Variants in AADACL4 observed in about 807,000 individuals in gnomAD.
AADACL4 encodes arylacetamide deacetylase like 4, also known as arylacetamide deacetylase-like 4.
AADACL4 carries 9 observed loss-of-function variants against 14.1 expected under a neutral mutation model. The observed-to-expected ratio is 0.64, with a 90% CI of 0.39 to 1.12. AADACL4 has a LOEUF of 1.12. Ranked by LOEUF, AADACL4 falls within the 50% of genes most tolerant of loss-of-function variation. AADACL4 has a pLI of 0.01. For synonymous variants in AADACL4, 188 were observed against 201.6 expected (o/e 0.93, Z 0.57); for missense variants, 531 against 516.1 (o/e 1.03, Z -0.28).
chr1:12,654,996 G>C (rs1381965397), intron 2 of AADACL4, among the ~76,000 whole-genome samples: 1 of 152,148 alleles, frequency 6.6e-6, no homozygotes, highest in African/African-American at 2.4e-5. Flanking sequence ...CTTGGTGTCT[G>C]TAAACGGCTC....
rs757254189 is a variant in AADACL4, at chr1:12,651,369, G to C, written c.385+30G>C. On this transcript the variant is annotated intron_variant, in intron 2 of 3. Transcript: ENST00000376221. ...GGGGCTTCCCTGTGGCTTTGTAGAG[G>C]AAGGGCCTCATCTGCATGCATAGCC... The C allele has an allele frequency of 3.4e-5, 55 of 1,609,416 alleles. No individual in the cohort carries two copies. The South Asian group carries it at 5.6e-4, about 16-fold the overall frequency.
chr1:12,644,529 C>G lies in AADACL4; in HGVS notation c.-18C>G. On this transcript the variant is annotated 5_prime_UTR_variant, in exon 1 of 4. Transcript: ENST00000376221. Reference sequence around the variant, plus strand: ...AGACAAGCTCCTCAGGGCAGCAGCTCCTCAAGGCCCCAGGAACATGGCTGT... The same window carrying G: ...AGACAAGCTCCTCAGGGCAGCAGCTGCTCAAGGCCCCAGGAACATGGCTGT... The G allele has an allele frequency of 6.2e-7, 1 of 1,612,658 alleles. No individual in the cohort carries two copies. Among genetic ancestry groups the G allele is most frequent in the Non-Finnish European group, 8.5e-7 (1 of 1,179,408 alleles).
At chr1:12,662,660 G>T (rs1371268549) in intron 3 of AADACL4, among the ~76,000 whole-genome samples, 1 of 152,128 alleles carries the variant, frequency 6.6e-6, no homozygotes, top group Admixed American at 6.5e-5. Context: ...GCCAGCGAGA[G>T]AAATTAAAAT....
Position 12,666,635 on chromosome 1 carries a change from G to C in AADACL4, c.1124G>C (p.Gly375Ala). ...GTGACATGGTACCACCTGTATGATG[G>C]TTTTCACGGATCCATTATCTTTTTT... ...VRVTWYHLYD[G>A]FHGSIIFFDK... The change falls in exon 4 of 4, where the codon GGT becomes GCT. Residue 375 changes from glycine to alanine, a missense_variant. Transcript: ENST00000376221. 1.2e-6 allele frequency: 2 copies of C among 1,614,146 alleles called. No individual in the cohort carries two copies. Among genetic ancestry groups the C allele is most frequent in the Non-Finnish European group, 1.7e-6 (2 of 1,180,018 alleles).
At chr1:12,647,007 A>G (rs1647115938) in intron 1 of AADACL4, among the ~76,000 whole-genome samples, 1 of 151,388 alleles carries the variant, frequency 6.6e-6, no homozygotes, top group Non-Finnish European at 1.5e-5. Context: ...GTATCAGACC[A>G]CCCTCTGAGC....
chr1:12,654,209 C>T (rs6680005), intron 2 of AADACL4, among the ~76,000 whole-genome samples: 2,447 of 152,262 alleles, frequency 0.016, 69 homozygotes, highest in African/African-American at 0.056. Flanking sequence ...AAGAGAATTA[C>T]GGTCTCATTG....
At chr1:12,659,420 TC>T in intron 2 of AADACL4, among the ~76,000 whole-genome samples, 1 of 152,276 alleles carries the variant, frequency 6.6e-6, no homozygotes. Context: ...AAAAGAGCCT[TC>T]TAGGTGAGGG....
At chr1:12,645,112 C>G (rs1379289608) in intron 1 of AADACL4, among the ~76,000 whole-genome samples, 1 of 133,214 alleles carries the variant, frequency 7.5e-6, no homozygotes, top group Non-Finnish European at 1.6e-5. Flanking sequence ...TTCCTTCTTT[C>G]TTTCTCTCCC....
At chr1:12,660,305 G>A (rs1476874035) in intron 2 of AADACL4, among the ~76,000 whole-genome samples, 1 of 152,154 alleles carries the variant, frequency 6.6e-6, no homozygotes, top group African/African-American at 2.4e-5. Flanking sequence ...CATTAATTGT[G>A]ATTTCTTAAT....
At chr1:12,646,742 G>A (rs1457354645) in intron 1 of AADACL4, among the ~76,000 whole-genome samples, 1 of 152,176 alleles carries the variant, frequency 6.6e-6, no homozygotes, top group Non-Finnish European at 1.5e-5. Context: ...TGTTCACAGG[G>A]GACTCTGAGA....
intron 2 of AADACL4, among the ~76,000 whole-genome samples, chr1:12,656,598 G>A (rs1475241692): frequency 6.6e-6 from 1 of 152,170 alleles, no homozygotes; most frequent in East Asian, 1.9e-4. Flanking sequence ...CTAAGCTTTC[G>A]GGTGAAGTGT....
chr1:12,649,123 C>T (rs951675934), intron 1 of AADACL4, among the ~76,000 whole-genome samples: 33 of 152,254 alleles, frequency 2.2e-4, no homozygotes, highest in African/African-American at 7.9e-4. Context: ...GCAGAGGTTG[C>T]AGTGAGCTGA....
At chr1:12,660,689 G>C (rs1337331618) in intron 2 of AADACL4, among the ~76,000 whole-genome samples, 5 of 152,110 alleles carry the variant, frequency 3.3e-5, no homozygotes, top group African/African-American at 1.2e-4. Context: ...TGTCACCCAG[G>C]CTGGAGTGCA....
In AADACL4 at chr1:12,666,220, C is replaced by T; in HGVS notation, c.709C>T (p.Gln237Ter). 1.2e-6 allele frequency: 2 copies of T among 1,614,256 alleles called. No individual in the cohort carries two copies. The highest frequency in any genetic ancestry group is 1.7e-6 in the Non-Finnish European group (2 of 1,180,048). The change falls in exon 4 of 4, where the codon CAG becomes TAG. Residue 237 changes from glutamine (Q) to a stop codon, truncating the protein, a stop_gained. Coordinates refer to ENST00000376221, the MANE Select transcript of AADACL4 (RefSeq NM_001013630.2). LOFTEE classifies it low-confidence loss of function (END_TRUNC). ...AFCLQLPSFQ[Q>*]NQNVPLLSRK... ...CTGTTTGCAGTTGCCATCCTTTCAG[C>T]AGAACCAAAATGTCCCATTACTTTC...
chr1:12,648,669 C>T (rs1647127503), intron 1 of AADACL4, among the ~76,000 whole-genome samples: 2 of 151,498 alleles, frequency 1.3e-5, no homozygotes, highest in Admixed American at 6.6e-5. Flanking sequence ...TCCCAAAGTG[C>T]TGGGATTACA....
chr1:12,652,708 C>T (rs1216585776), intron 2 of AADACL4, among the ~76,000 whole-genome samples: 2 of 152,132 alleles, frequency 1.3e-5, no homozygotes, highest in Non-Finnish European at 2.9e-5. Flanking sequence ...GATGTTTTCT[C>T]GGAACTGTGG....
In AADACL4 at chr1:12,664,483, C is replaced by T. The variant is rs145936432; in HGVS notation, c.450-1478C>T. 2.6e-5 allele frequency among the ~76,000 whole-genome samples: 4 copies of T among 152,174 alleles called. No individual in the cohort carries two copies. The East Asian group carries it at 5.8e-4, about 22-fold the overall frequency. ...CTGGGTTCAAGTGACTCTCCTGTCT[C>T]AGCCTCCCAAGTGCCTGGGATTACA... is the stretch of plus-strand genomic sequence containing the variant. On this transcript the variant is annotated intron_variant, in intron 3 of 3. Coordinates refer to ENST00000376221, the MANE Select transcript of AADACL4 (RefSeq NM_001013630.2).
At chr1:12,647,407 GC>G (rs1320742198) in intron 1 of AADACL4, among the ~76,000 whole-genome samples, 1 of 151,818 alleles carries the variant, frequency 6.6e-6, no homozygotes, top group Non-Finnish European at 1.5e-5. Flanking sequence ...CCCTGGGGAG[GC>G]TTTTTATAGG....
intron 1 of AADACL4, among the ~76,000 whole-genome samples, chr1:12,647,280 G>T (rs1379208368): frequency 1.3e-5 from 2 of 151,862 alleles, no homozygotes; most frequent in Non-Finnish European, 1.5e-5. Context: ...TTGATATTTT[G>T]TACAGATGGG....
Sources: gnomAD v4.1 joint callset for allele counts (sites outside exome capture counted in the v4.1 genomes callset) on GRCh38, gnomAD v4.1.1 for gene constraint, MANE v1.5 for transcripts, NCBI Gene and HGNC (gene_info 2026-07-23, HGNC 2026-07-21) for gene names.